IMMP2L: variants seen among roughly 807,000 people sequenced by gnomAD.
IMMP2L encodes mitochondrial inner membrane protease subunit 2.
Under a neutral mutation model 19.3 loss-of-function variants are expected in IMMP2L, and 18 were observed. The observed-to-expected ratio is 0.93, with a 90% CI of 0.64 to 1.38. The LOEUF (loss-of-function observed/expected upper bound fraction) is 1.38, where lower values mean the gene tolerates loss of function less well. IMMP2L is among the 40% of genes most tolerant of loss of function. The pLI, the probability that IMMP2L is intolerant of heterozygous loss-of-function variation, is 0.00. For missense variants in IMMP2L, 233 were observed against 218.2 expected (o/e 1.07, Z -0.43); for synonymous variants, 76 against 73.0 (o/e 1.04, Z -0.21).
intron 4 of IMMP2L, among the ~76,000 whole-genome samples, chr7:110,917,473 T>C (rs1339736210): frequency 6.6e-6 from 1 of 152,188 alleles, no homozygotes. Flanking sequence ...GTCTTCTTAT[T>C]CAACCTTTTT....
chr7:111,168,582 T>C (rs1486854273), intron 3 of IMMP2L, among the ~76,000 whole-genome samples: 1 of 151,968 alleles, frequency 6.6e-6, no homozygotes, highest in Non-Finnish European at 1.5e-5. Flanking sequence ...TTTTTACCCC[T>C]GCCTTTGAAG....
In IMMP2L at chr7:111,107,586, T is replaced by G. The variant is rs867917306; in HGVS notation, c.240-144021A>C. On this transcript the variant is annotated intron_variant, in intron 3 of 5. Transcript: ENST00000405709. ...TGCATGTATAACAAGCATTCTGTAT[T>G]TTACTTTATCTGAATAGAATTTTAG... is the stretch of plus-strand genomic sequence containing the variant. Among the ~76,000 whole-genome samples, 4 of 152,254 alleles carry G rather than the reference T, an allele frequency of 2.6e-5. No individual in the cohort carries two copies. In the Middle Eastern group the frequency reaches 0.01, roughly 388 times the overall value.
chr7:110,821,838 G>T (rs769011022), intron 5 of IMMP2L, among the ~76,000 whole-genome samples: 1 of 152,132 alleles, frequency 6.6e-6, no homozygotes, highest in East Asian at 1.9e-4. Flanking sequence ...CAGGAGAATC[G>T]CTTGAACCCA....
rs1416251924 is a variant in IMMP2L at position 111,191,394 on chromosome 7, T to A, written c.240-227829A>T. 2.0e-5 allele frequency among the ~76,000 whole-genome samples: 3 copies of A among 146,422 alleles called. No individual in the cohort carries two copies. The Admixed American group carries it at 2.1e-4, about 10-fold the overall frequency. On this transcript the variant is annotated intron_variant, in intron 3 of 5. Transcript: ENST00000405709. The stretch of plus-strand genomic sequence containing the variant: ...TAACAGAATACTTCCAGAAAGATAG[T>A]TAAAATCTGTAACAAGGTAAAATGC...
chr7:111,330,204 G>A (rs1053767030), intron 3 of IMMP2L, among the ~76,000 whole-genome samples: 3 of 151,514 alleles, frequency 2.0e-5, no homozygotes, highest in Non-Finnish European at 4.4e-5. Flanking sequence ...GAAATGGAAC[G>A]TAAATTACAA....
intron 3 of IMMP2L, among the ~76,000 whole-genome samples, chr7:111,368,176 T>C (rs1033084720): frequency 3.9e-5 from 6 of 151,944 alleles, no homozygotes; most frequent in Middle Eastern, 3.4e-3. Context: ...AATAGAATTA[T>C]CAGGTGTATT....
At chr7:110,798,732 T>C (rs1302498971) in intron 5 of IMMP2L, among the ~76,000 whole-genome samples, 1 of 151,970 alleles carries the variant, frequency 6.6e-6, no homozygotes, top group African/African-American at 2.4e-5. Flanking sequence ...CTGAGTTTTC[T>C]ACTAGTTAAG....
chr7:111,357,279 A>G lies in IMMP2L; in HGVS notation c.239+129959T>C, dbSNP rs137993298. ...CATGCAGCAATGATCCCTTAGAGGC[A>G]GCAACTTTAGATGATGCTTAAACAA... On this transcript the variant is annotated intron_variant, in intron 3 of 5. Transcript: ENST00000405709. 3.4e-3 allele frequency among the ~76,000 whole-genome samples: 514 copies of G among 152,296 alleles called. 4 individuals are homozygous for G. The highest frequency in any genetic ancestry group is 0.012 in the African/African-American group (491 of 41,566).
rs144813705 is a variant in IMMP2L, at chr7:110,852,124, CTG to C, written c.408+34467_408+34468del. The stretch of plus-strand genomic sequence containing the variant: ...GGTGAGGAAACTATTATATCAGAAA[CTG>C]TGAAGGGTCTGAGATTTTATCTTTC... On this transcript the variant is annotated intron_variant, in intron 5 of 5. Coordinates refer to ENST00000405709, the MANE Select transcript of IMMP2L (RefSeq NM_032549.4). Among the ~76,000 whole-genome samples the C allele has an allele frequency of 4.5e-3, 682 of 152,076 alleles. 10 individuals are homozygous for C. The highest frequency in any genetic ancestry group is 0.015 in the African/African-American group (641 of 41,520).
At chr7:111,325,991 T>C (rs1042541585) in intron 3 of IMMP2L, among the ~76,000 whole-genome samples, 4 of 151,794 alleles carry the variant, frequency 2.6e-5, no homozygotes, top group Non-Finnish European at 5.9e-5. Flanking sequence ...CTATTTATAA[T>C]TTATTACTGC....
intron 4 of IMMP2L, among the ~76,000 whole-genome samples, chr7:110,933,561 C>T (rs954770572): frequency 6.6e-6 from 1 of 152,122 alleles, no homozygotes; most frequent in African/African-American, 2.4e-5. Flanking sequence ...TAACACAGGG[C>T]TCAAGAAAAT....
rs568612546 is a variant in IMMP2L, at chr7:110,782,549, G to A, written c.408+104044C>T. 8.0e-4 allele frequency among the ~76,000 whole-genome samples: 121 copies of A among 151,664 alleles called. 2 individuals carry two copies. The South Asian group carries it at 0.01, about 13-fold the overall frequency. On this transcript the variant is annotated intron_variant, in intron 5 of 5. Transcript: ENST00000405709. ...GACTTTTTTTGTAACTGTTTTTGATGGTCTGTCAAGCAGTTTGACACAGTA... is the reference window on the plus strand; with the variant it reads ...GACTTTTTTTGTAACTGTTTTTGATAGTCTGTCAAGCAGTTTGACACAGTA...
intron 3 of IMMP2L, among the ~76,000 whole-genome samples, chr7:111,423,490 A>G (rs1835782303): frequency 6.6e-6 from 1 of 151,730 alleles, no homozygotes; most frequent in African/African-American, 2.4e-5. Flanking sequence ...TAGATTTTCT[A>G]GTTTATTTGC....
chr7:111,063,432 T>G (rs1236556624), intron 3 of IMMP2L, among the ~76,000 whole-genome samples: 1 of 152,186 alleles, frequency 6.6e-6, no homozygotes, highest in Non-Finnish European at 1.5e-5. Flanking sequence ...TGTGAAGACT[T>G]CTGACATGCC....
chr7:111,019,388 G>A (rs886669190), intron 3 of IMMP2L, among the ~76,000 whole-genome samples: 8 of 152,122 alleles, frequency 5.3e-5, no homozygotes, highest in African/African-American at 1.9e-4. Flanking sequence ...AGCAAAGTGG[G>A]AAGTCAGAAA....
intron 3 of IMMP2L, among the ~76,000 whole-genome samples, chr7:111,241,104 T>G (rs931207921): frequency 1.3e-5 from 2 of 151,942 alleles, no homozygotes; most frequent in Non-Finnish European, 1.5e-5. Flanking sequence ...AAATATTGTA[T>G]TATGTTTCAA....
intron 3 of IMMP2L, among the ~76,000 whole-genome samples, chr7:111,443,994 T>C (rs777977779): frequency 5.3e-5 from 8 of 152,152 alleles, no homozygotes; most frequent in Non-Finnish European, 1.2e-4. Context: ...TTTAAATAGA[T>C]TTTAAAATTA....
At chr7:110,981,877 G>A (rs868133043) in intron 3 of IMMP2L, among the ~76,000 whole-genome samples, 4 of 151,664 alleles carry the variant, frequency 2.6e-5, no homozygotes, top group African/African-American at 9.7e-5. Context: ...TTCTCATTTC[G>A]AAGAGTCAAG....
intron 5 of IMMP2L, among the ~76,000 whole-genome samples, chr7:110,746,393 G>C (rs1797348966): frequency 6.6e-6 from 1 of 152,042 alleles, no homozygotes; most frequent in South Asian, 2.1e-4. Context: ...ACTCAGCTCT[G>C]GACCAAGCAA....
Sources: allele counts gnomAD v4.1 joint callset (sites outside exome capture counted in the v4.1 genomes callset), GRCh38; gene constraint gnomAD v4.1.1; transcripts MANE v1.5; gene names NCBI Gene and HGNC (gene_info 2026-07-23, HGNC 2026-07-21).